Variants in FBXL2 observed in about 807,000 individuals in gnomAD.
The protein encoded by FBXL2 is F-box and leucine rich repeat protein 2.
In FBXL2, 38 loss-of-function variants were observed where a neutral mutation model predicts 69.2. The observed-to-expected ratio is 0.55, with a 90% CI of 0.42 to 0.72. The LOEUF is 0.72. Ranked by LOEUF, FBXL2 falls within the 30% of genes least tolerant of loss-of-function variation. The probability of loss-of-function intolerance (pLI) is 0.00; values close to 1 mark genes in which losing one functional copy is unlikely to be tolerated. For synonymous variants in FBXL2, 192 were observed against 201.3 expected (o/e 0.95, Z 0.39); for missense variants, 354 against 520.3 (o/e 0.68, Z 3.11).
At chr3:33,384,524 G>A (rs1210185658) in intron 14 of FBXL2, among the ~76,000 whole-genome samples, 1 of 152,070 alleles carries the variant, frequency 6.6e-6, no homozygotes, top group Non-Finnish European at 1.5e-5. Context: ...CTGCACCACT[G>A]CACTTCAGCC....
chr3:33,383,941 CT>C (rs746033994), intron 13 of FBXL2, 47 bp from the exon 14 acceptor site: 2 of 1,583,710 alleles, frequency 1.3e-6, no homozygotes, highest in East Asian at 4.5e-5. Flanking sequence ...GGACTTGAGC[CT>C]TGGAATAAGG....
chr3:33,342,073 C>T (rs1432705794), intron 2 of FBXL2, among the ~76,000 whole-genome samples: 16 of 140,722 alleles, frequency 1.1e-4, no homozygotes, highest in Admixed American at 1.1e-3. Flanking sequence ...GGCACGATCT[C>T]GGCTCACTGC....
chr3:33,301,777 C>T (rs1481633049), intron 2 of FBXL2, among the ~76,000 whole-genome samples: 2 of 152,176 alleles, frequency 1.3e-5, no homozygotes, highest in Non-Finnish European at 2.9e-5. Context: ...AGTGGAAGTA[C>T]TTAATTTGTT....
chr3:33,381,539 G>A (rs111819258), intron 13 of FBXL2, among the ~76,000 whole-genome samples: 2,167 of 151,954 alleles, frequency 0.014, 53 homozygotes, highest in African/African-American at 0.05. Flanking sequence ...CAGGAGAACC[G>A]CTTGAACCTG....
chr3:33,374,864 T>C (rs2042536264), intron 9 of FBXL2, among the ~76,000 whole-genome samples: 1 of 152,172 alleles, frequency 6.6e-6, no homozygotes, highest in Non-Finnish European at 1.5e-5. Flanking sequence ...ATTGTAAATA[T>C]CTAAAGCATT....
downstream of FBXL2, chr3:33,388,292 C>T (rs1465130221): frequency 2.0e-5 from 3 of 152,448 alleles, no homozygotes; most frequent in East Asian, 1.9e-4. Flanking sequence ...TTCTATGACA[C>T]GAAGTGACAG....
intron 2 of FBXL2, among the ~76,000 whole-genome samples, chr3:33,342,018 T>G (rs1386428612): frequency 6.9e-6 from 1 of 144,870 alleles, no homozygotes; most frequent in African/African-American, 2.5e-5. Flanking sequence ...TTTTTTTTTT[T>G]TTTTGAGACG....
chr3:33,384,841 C>A (rs910032295), intron 14 of FBXL2, among the ~76,000 whole-genome samples: 1 of 151,962 alleles, frequency 6.6e-6, no homozygotes, highest in Non-Finnish European at 1.5e-5. Flanking sequence ...GGGTTCGAGA[C>A]CAGCTGACCA....
At chr3:33,301,520 CTA>C (rs1475229488) in intron 2 of FBXL2, among the ~76,000 whole-genome samples, 7 of 152,046 alleles carry the variant, frequency 4.6e-5, no homozygotes, top group Admixed American at 2.0e-4. Context: ...TCAGAAAAAT[CTA>C]TGTTTTCTTT....
In FBXL2 at chr3:33,367,389, C is replaced by A. The variant is rs191397813; in HGVS notation, c.290+2670C>A. ...GAGCCACCGCACCCGGCCTCAATTT[C>A]TTTAATATGTATAGAACTCTTCAGA... On this transcript the variant is annotated intron_variant, in intron 5 of 14. Coordinates refer to ENST00000484457, the MANE Select transcript of FBXL2 (RefSeq NM_012157.5). 1.2e-4 allele frequency among the ~76,000 whole-genome samples: 19 copies of A among 152,254 alleles called. No individual in the cohort carries two copies. In the East Asian group the frequency reaches 3.1e-3, roughly 25 times the overall value.
chr3:33,406,921 C>T (rs375046202), downstream of FBXL2, among the ~76,000 whole-genome samples: 56 of 152,328 alleles, frequency 3.7e-4, no homozygotes, highest in African/African-American at 1.3e-3. Context: ...ACAGTAGTGA[C>T]TATTCAGTGT....
At chr3:33,335,857 G>A (rs899303683) in intron 2 of FBXL2, among the ~76,000 whole-genome samples, 1 of 152,100 alleles carries the variant, frequency 6.6e-6, no homozygotes, top group Non-Finnish European at 1.5e-5. Context: ...CTCAGAAGAA[G>A]CGGGCAGGGG....
chr3:33,296,337 A>C (rs1314238846), intron 1 of FBXL2, among the ~76,000 whole-genome samples: 1 of 152,160 alleles, frequency 6.6e-6, no homozygotes, highest in Non-Finnish European at 1.5e-5. Context: ...AAGTGCTAGG[A>C]TTACAGGCAT....
chr3:33,335,911 C>T (rs987482099), intron 2 of FBXL2, among the ~76,000 whole-genome samples: 23 of 152,060 alleles, frequency 1.5e-4, no homozygotes, highest in African/African-American at 5.6e-4. Context: ...TTACCTAAGA[C>T]TAAATATAAC....
At chr3:33,401,600 T>C (rs2044230814) in intron 12 of FBXL2, among the ~76,000 whole-genome samples, 1 of 152,338 alleles carries the variant, frequency 6.6e-6, no homozygotes, top group South Asian at 2.1e-4. Context: ...CTTCTGGCTC[T>C]TGAGCACCGA....
rs890937845 is a variant in FBXL2, at chr3:33,381,179, A to C, written c.951+2438A>C. ...GAATATGCCAGTACATAAGTTTTTC[A>C]ATTAATATAACAGTATCTCCTCAGT... On this transcript the variant is annotated intron_variant, in intron 13 of 14. Transcript: ENST00000484457. 2.0e-5 allele frequency among the ~76,000 whole-genome samples: 3 copies of C among 152,346 alleles called. No homozygotes were observed. The East Asian group carries it at 5.8e-4, about 29-fold the overall frequency.
chr3:33,380,882 C>CTT (rs1267732385), intron 13 of FBXL2, among the ~76,000 whole-genome samples: 2 of 152,286 alleles, frequency 1.3e-5, no homozygotes, highest in Non-Finnish European at 2.9e-5. Context: ...GGAGAAAAGG[C>CTT]TTTAAGGCCA....
At chr3:33,393,467 A>G in intron 12 of FBXL2, 1 of 1,593,234 alleles carries the variant, frequency 6.3e-7, no homozygotes, top group East Asian at 2.2e-5. Context: ...GAAATTAAAA[A>G]AAAAAAAAGA....
At chr3:33,404,431 A>T (rs1159277642), downstream of FBXL2, among the ~76,000 whole-genome samples, 2 of 151,910 alleles carry the variant, frequency 1.3e-5, no homozygotes, top group Non-Finnish European at 2.9e-5. Flanking sequence ...GAAAATAGAT[A>T]AATAAGTAAA....
Sources: gnomAD v4.1 joint callset for allele counts (sites outside exome capture counted in the v4.1 genomes callset) on GRCh38, gnomAD v4.1.1 for gene constraint, MANE v1.5 for transcripts, NCBI Gene and HGNC (gene_info 2026-07-23, HGNC 2026-07-21) for gene names.